NOSIP: variants seen among roughly 807,000 people sequenced by gnomAD.
NOSIP encodes the protein nitric oxide synthase-interacting protein.
A neutral mutation model predicts 36.4 loss-of-function variants in NOSIP; 25 were observed. The observed-to-expected ratio is 0.69, with a 90% CI of 0.50 to 0.96. NOSIP has a LOEUF of 0.96. Among genes scored for constraint, NOSIP ranks in the 40% least tolerant of loss-of-function variants. The pLI is 0.00. For missense variants in NOSIP, 370 were observed against 429.0 expected (o/e 0.86, Z 1.21); for synonymous variants, 187 against 179.2 (o/e 1.04, Z -0.35).
rs762959254 is a variant in NOSIP at position 49,556,340 on chromosome 19, G to A, written c.811C>T (p.Arg271Cys). The A allele has an allele frequency of 4.3e-6, 7 of 1,612,918 alleles. No individual in the cohort carries two copies. In the African/African-American group the frequency reaches 5.3e-5, roughly 12 times the overall value. ...DPVTGDKLTD[R>C]DIIVLQRGGT... ...ACCCGCTGCAGCACGATGATGTCGC[G>A]GTCTGTGAGTTTGTCTCCAGTCACA... Residue 271 changes from arginine to cysteine, a missense_variant, in exon 8 of 9, where the codon CGC (arginine) becomes TGC (cysteine). Physicochemically the swap from Arg to Cys is radical, Grantham distance 180. This residue lies in a region of NOSIP where 315 missense variants were observed against 331.9 expected (regional missense o/e 0.95). Transcript: ENST00000596358.
intron 1 of NOSIP, among the ~76,000 whole-genome samples, chr19:49,574,246 G>C (rs926147568): frequency 5.3e-5 from 8 of 152,216 alleles, no homozygotes; most frequent in Non-Finnish European, 8.8e-5. Context: ...AGCCTCAGGG[G>C]GGCTTTTCAG....
chr19:49,570,418 A>G (rs888027043), intron 1 of NOSIP, among the ~76,000 whole-genome samples: 2 of 152,156 alleles, frequency 1.3e-5, no homozygotes, highest in African/African-American at 4.8e-5. Context: ...GGTTTTAGGT[A>G]TATTTACACA....
chr19:49,556,258 G>T, intron 8 of NOSIP, 59 bp downstream of exon 8: 1 of 968,698 alleles, frequency 1.0e-6, no homozygotes, highest in Non-Finnish European at 1.5e-6. Context: ...CTTGGAGGGG[G>T]TGAAGGGGAG....
At chr19:49,567,923 C>G (rs1451905035) in intron 1 of NOSIP, among the ~76,000 whole-genome samples, 1 of 151,984 alleles carries the variant, frequency 6.6e-6, no homozygotes, top group Non-Finnish European at 1.5e-5. Flanking sequence ...GGTAATCTGG[C>G]CACCTTGGCT....
intron 1 of NOSIP, among the ~76,000 whole-genome samples, chr19:49,567,753 T>G (rs2080430225): frequency 6.6e-6 from 1 of 151,876 alleles, no homozygotes; most frequent in Non-Finnish European, 1.5e-5. Flanking sequence ...CACTGCAACC[T>G]CTCTGCCTCC....
At chr19:49,559,015 G>A (rs769838519) in intron 3 of NOSIP, 37 bp from the exon 4 acceptor site, 2 of 1,544,390 alleles carry the variant, frequency 1.3e-6, no homozygotes, top group African/African-American at 1.4e-5. Context: ...GAAAGAAAGT[G>A]ATCCTCCCGC....
chr19:49,570,841 TG>T lies in NOSIP; in HGVS notation c.-2+9673del, dbSNP rs370166035. Among the ~76,000 whole-genome samples, 8 of 152,302 alleles carry T rather than the reference TG, an allele frequency of 5.3e-5. No homozygotes were observed. The East Asian group carries it at 1.2e-3, about 22-fold the overall frequency. Reference sequence around the variant, plus strand: ...CTTGACCCTCTGCAGTATTTGGCTCTGGGCACCTCGGCTTTCCCAGAGATGA... The same window carrying T: ...CTTGACCCTCTGCAGTATTTGGCTCTGGCACCTCGGCTTTCCCAGAGATGA... On this transcript the variant is annotated intron_variant, in intron 1 of 8. Transcript: ENST00000596358.
Position 49,557,150 on chromosome 19 carries a change from C to T in NOSIP, c.358G>A (p.Ala120Thr). Reference protein sequence around the residue: ...HVRGFLEKESAIVSRPLNPFT... With the variant: ...HVRGFLEKESTIVSRPLNPFT... The stretch of plus-strand genomic sequence containing the variant: ...GGGTTGAGGGGCCGGCTCACGATAG[C>T]CGACTCCTTCTCCAGGAAGCCCCGC... Residue 120 changes from alanine to threonine, a missense_variant, in exon 5 of 9, where the codon GCT becomes ACT. By Grantham distance (58) the Ala-to-Thr change is moderately conservative (BLOSUM62 0). This residue lies in a region of NOSIP where 315 missense variants were observed against 331.9 expected (regional missense o/e 0.95). Coordinates refer to ENST00000596358, the MANE Select transcript of NOSIP (RefSeq NM_001270960.2). The T allele has an allele frequency of 6.2e-7, 1 of 1,612,224 alleles. No individual in the cohort carries two copies. Among genetic ancestry groups the T allele is most frequent in the Non-Finnish European group, 8.5e-7 (1 of 1,179,392 alleles).
chr19:49,555,485 C>T lies in NOSIP; in HGVS notation c.*266G>A, dbSNP rs188373996. Among the ~76,000 whole-genome samples, 113 of 152,272 alleles carry T rather than the reference C, an allele frequency of 7.4e-4. No individual in the cohort carries two copies. Among genetic ancestry groups the T allele is most frequent in the East Asian group, 4.2e-3 (22 of 5,186 alleles). On this transcript the variant is annotated 3_prime_UTR_variant, in exon 9 of 9. Coordinates refer to ENST00000596358, the MANE Select transcript of NOSIP (RefSeq NM_001270960.2). ...TGTTGGCCAGGCTGGTCTCGAACTC[C>T]TGACCTCAAGTGATACGCTAGCCTC...
chr19:49,565,769 A>AAAAGAAAGAAAG lies in NOSIP; in HGVS notation c.-1-5089_-1-5078dup, dbSNP rs147179302. Among the ~76,000 whole-genome samples the AAAAGAAAGAAAG allele has an allele frequency of 2.7e-3, 377 of 140,060 alleles. 1 individual carries two copies. The highest frequency in any genetic ancestry group is 0.011 in the African/African-American group (370 of 32,222). The allele number at this position is 140,060 out of a possible 152,430, so 91.9% of individuals were successfully genotyped here. A position where few individuals can be genotyped will look rare whatever the true frequency, so the allele number is the denominator to read the frequency against. Reference sequence around the variant, plus strand: ...TGAGAACCTGTCTCAAAAGAAAAAAAAAAGAAAGAAAGAAAGAAATTAATG... The same window carrying AAAAGAAAGAAAG: ...TGAGAACCTGTCTCAAAAGAAAAAAAAAAGAAAGAAAGAAAGAAAGAAAGAAAGAAATTAATG... On this transcript the variant is annotated intron_variant, in intron 1 of 8. Transcript: ENST00000596358.
intron 1 of NOSIP, among the ~76,000 whole-genome samples, chr19:49,570,581 C>T (rs915406555): frequency 8.5e-5 from 13 of 152,096 alleles, no homozygotes; most frequent in Admixed American, 2.6e-4. Context: ...GCAGCCAGGG[C>T]TGCTTGCAGA....
chr19:49,565,840 C>A (rs2122831538), intron 1 of NOSIP, among the ~76,000 whole-genome samples: 1 of 152,198 alleles, frequency 6.6e-6, no homozygotes, highest in South Asian at 2.1e-4. Flanking sequence ...CCCATCAGCC[C>A]ACCAGGCACG....
chr19:49,566,272 G>T (rs899473663), intron 1 of NOSIP, among the ~76,000 whole-genome samples: 1 of 151,990 alleles, frequency 6.6e-6, no homozygotes, highest in Non-Finnish European at 1.5e-5. Context: ...CGCCCACCTC[G>T]GCTTCCCAAA....
In NOSIP at chr19:49,557,095, C is replaced by A. The variant is rs2080262026; in HGVS notation, c.413G>T (p.Ser138Ile). 3 of 1,611,186 alleles carry A rather than the reference C, an allele frequency of 1.9e-6. No homozygotes were observed. The change falls in exon 5 of 9, where the codon AGC becomes ATC. Residue 138 changes from serine (S) to isoleucine (I), a missense_variant. This residue lies in a region of NOSIP where 315 missense variants were observed against 331.9 expected (regional missense o/e 0.95). Transcript: ENST00000596358. ...PFTAKALSGT[S>I]PDDVQPGPSV... ...AGAAGCCCAACCTGAGTCACCTGGGCTGGTGCCCGAGAGGGCCTTGGCTGT... is the reference window on the plus strand; with the variant it reads ...AGAAGCCCAACCTGAGTCACCTGGGATGGTGCCCGAGAGGGCCTTGGCTGT...
rs2070445886 is a variant in NOSIP, at chr19:49,556,328, C to G, written c.823G>C (p.Val275Leu). Residue 275 changes from valine to leucine, a missense_variant, in exon 8 of 9, where the codon GTG becomes CTG. Val to Leu is a conservative substitution (Grantham distance 32, BLOSUM62 1). Coordinates refer to ENST00000596358, the MANE Select transcript of NOSIP (RefSeq NM_001270960.2). ...GDKLTDRDII[V>L]LQRGGTGFAG... ...GGTGGGACTCTTACCCGCTGCAGCA[C>G]GATGATGTCGCGGTCTGTGAGTTTG... The G allele has an allele frequency of 6.2e-7, 1 of 1,612,066 alleles. No homozygotes were observed. Among genetic ancestry groups the G allele is most frequent in the Non-Finnish European group, 8.5e-7 (1 of 1,179,050 alleles).
chr19:49,560,138 G>T lies in NOSIP; in HGVS notation c.71-99C>A, dbSNP rs756846939. On this transcript the variant is annotated intron_variant, in intron 2 of 8. Transcript: ENST00000596358. The surrounding 1 kb of genome is among the most constrained non-coding windows in gnomAD (Gnocchi z 4.6). Reference sequence around the variant, plus strand: ...AGAGGCACAGAGACAACGCGGTGGTGGGGGTGGGGGACTCAGAGAGAAACA... The same window carrying T: ...AGAGGCACAGAGACAACGCGGTGGTTGGGGTGGGGGACTCAGAGAGAAACA... 6 of 755,032 alleles carry T rather than the reference G, an allele frequency of 7.9e-6. No individual in the cohort carries two copies. Among genetic ancestry groups the T allele is most frequent in the Non-Finnish European group, 8.8e-6 (4 of 454,368 alleles). 46.8% of individuals were successfully genotyped at this position (755,032 alleles called of 1,614,324 possible).
At position 49,573,857 on chromosome 19, in the gene NOSIP, A is replaced by ATTTTTT. The variant is rs560191336; in HGVS notation, c.-2+6652_-2+6657dup. Among the ~76,000 whole-genome samples, 300 of 129,384 alleles carry ATTTTTT rather than the reference A, an allele frequency of 2.3e-3. 2 individuals are homozygous for ATTTTTT. Among genetic ancestry groups the ATTTTTT allele is most frequent in the African/African-American group, 8.4e-3 (285 of 34,128 alleles). 84.9% of individuals were successfully genotyped at this position (129,384 alleles called of 152,430 possible). A position where few individuals can be genotyped will look rare whatever the true frequency, so the allele number is the denominator to read the frequency against. On this transcript the variant is annotated intron_variant, in intron 1 of 8. Transcript: ENST00000596358. ...GTCTCACTGTCACCAGGACTGAAGT[A>ATTTTTT]TTTTTTTTTTTTTTTTTTTGGAGAC...
At chr19:49,564,416 G>A (rs1052764097) in intron 1 of NOSIP, among the ~76,000 whole-genome samples, 1 of 145,964 alleles carries the variant, frequency 6.9e-6, no homozygotes, top group Non-Finnish European at 1.5e-5. Context: ...ATCACGCCAC[G>A]GCACTCTAGC....
intron 1 of NOSIP, among the ~76,000 whole-genome samples, chr19:49,567,209 A>G (rs1033713354): frequency 4.1e-5 from 5 of 122,092 alleles, no homozygotes; most frequent in Admixed American, 3.7e-4. Flanking sequence ...TGCAAGCTCC[A>G]CCTCCCGGGT....
Sources: allele counts gnomAD v4.1 joint callset (sites outside exome capture counted in the v4.1 genomes callset), GRCh38; gene constraint gnomAD v4.1.1; regional missense constraint gnomAD v4.1.1; non-coding constraint Gnocchi (gnomAD v3.1); transcripts MANE v1.5; gene names NCBI Gene and HGNC (gene_info 2026-07-23, HGNC 2026-07-21).